The following C11orf65 variants were observed in gnomAD, a reference collection of about 807,000 sequenced individuals.
C11orf65 encodes the protein protein MFI.
In C11orf65, 38 loss-of-function variants were observed where a neutral mutation model predicts 35.3. The observed-to-expected ratio is 1.08, with a 90% CI of 0.83 to 1.41. The LOEUF is 1.41. Among genes scored for constraint, C11orf65 ranks in the 40% most tolerant of loss-of-function variants. The pLI, the probability that C11orf65 is intolerant of heterozygous loss-of-function variation, is 0.00. For missense variants in C11orf65, 370 were observed against 367.1 expected (o/e 1.01, Z -0.06); for synonymous variants, 105 against 114.4 (o/e 0.92, Z 0.53).
chr11:108,463,649 A>G (rs2093498535), intron 1 of C11orf65, among the ~76,000 whole-genome samples: 1 of 152,194 alleles, frequency 6.6e-6, no homozygotes, highest in Admixed American at 6.5e-5. Context: ...CATCTGTAAA[A>G]TATGGGGACT....
In C11orf65 at chr11:108,437,031, G is replaced by T. The variant is rs138373939; in HGVS notation, c.82-5193C>A. 4.6e-4 allele frequency among the ~76,000 whole-genome samples: 61 copies of T among 133,202 alleles called. No homozygotes were observed. The East Asian group carries it at 0.013, about 27-fold the overall frequency. The allele number at this position is 133,202 out of a possible 152,430, so 87.4% of individuals were successfully genotyped here. ...CCAGAACTTTGGGAGGCTGACATGG[G>T]AAGATCACTTGAGGCTAGGAGTTTG... On this transcript the variant is annotated intron_variant, in intron 2 of 8. Coordinates refer to ENST00000393084, the MANE Select transcript of C11orf65 (RefSeq NM_152587.5).
In C11orf65 at chr11:108,354,783, T is replaced by C. The variant is rs370274917; in HGVS notation, c.227-19491A>G. 56 of 1,595,348 alleles carry C rather than the reference T, an allele frequency of 3.5e-5. No homozygotes were observed. Among genetic ancestry groups the C allele is most frequent in the Non-Finnish European group, 4.6e-5 (54 of 1,163,066 alleles). ...TTGACAACATTGGTGTGTAACAAAA[T>C]CCGTATTTATAATGTGTTTGACTCT... On this transcript the variant is annotated intron_variant, in intron 2 of 3. Coordinates refer to the C11orf65 transcript ENST00000524755.
At chr11:108,447,545 A>C (rs2093281308) in intron 2 of C11orf65, among the ~76,000 whole-genome samples, 1 of 152,200 alleles carries the variant, frequency 6.6e-6, no homozygotes, top group Non-Finnish European at 1.5e-5. Context: ...CTGGGTACAT[A>C]ACAAAATGAA....
chr11:108,330,233 C>T (rs121434220), downstream of C11orf65: 6 of 1,614,054 alleles, frequency 3.7e-6, no homozygotes, highest in Non-Finnish European at 5.1e-6. Context: ...AAAGGTTCAG[C>T]GAGAGCTGGA....
chr11:108,404,534 A>G (rs1311249654), intron 6 of C11orf65, among the ~76,000 whole-genome samples: 4 of 151,142 alleles, frequency 2.6e-5, no homozygotes, highest in South Asian at 2.1e-4. Flanking sequence ...CAGCCTCCCA[A>G]GTAGCTGGGA....
chr11:108,395,552 C>T (rs765260758), intron 6 of C11orf65, among the ~76,000 whole-genome samples: 15 of 151,298 alleles, frequency 9.9e-5, no homozygotes, highest in Admixed American at 2.0e-4. Context: ...CTCCTGACCT[C>T]GTGATCTGCC....
intron 1 of C11orf65, 71 bp downstream of exon 1, chr11:108,467,400 A>C (rs2093553787): frequency 6.6e-6 from 1 of 152,368 alleles, no homozygotes; most frequent in Admixed American, 6.5e-5. Flanking sequence ...CGAAGGCTCA[A>C]ACCAGTGGGC....
At position 108,317,467 on chromosome 11, in the gene C11orf65, T is replaced by C. The variant is rs587780631; in HGVS notation, c.641-8396A>G. The C allele has an allele frequency of 6.8e-6, 11 of 1,612,618 alleles. No individual in the cohort carries two copies. The highest frequency in any genetic ancestry group is 3.3e-5 in the South Asian group (3 of 91,054). ...GACTGGTGTCCTGAACTAGAAGAAC[T>C]TCATTACCAAGCAGCATGGAGGAAT... On this transcript the variant is annotated intron_variant, in intron 6 of 6. Transcript: ENST00000525729.
chr11:108,445,716 T>A (rs1341698487), intron 2 of C11orf65, among the ~76,000 whole-genome samples: 1 of 151,868 alleles, frequency 6.6e-6, no homozygotes, highest in Non-Finnish European at 1.5e-5. Context: ...GCAGAGCACC[T>A]CTCCTCCTCC....
At chr11:108,350,842 G>C (rs991613044) in intron 2 of C11orf65, among the ~76,000 whole-genome samples, 2 of 151,946 alleles carry the variant, frequency 1.3e-5, no homozygotes, top group African/African-American at 2.4e-5. Context: ...TAAATGAGAA[G>C]GGTAAATTGG....
intron 6 of C11orf65, among the ~76,000 whole-genome samples, chr11:108,396,886 G>C (rs2092323539): frequency 7.0e-6 from 1 of 142,102 alleles, no homozygotes; most frequent in Non-Finnish European, 1.5e-5. Context: ...AAATAAAATA[G>C]TTACTATTAT....
At chr11:108,336,061 C>A in intron 2 of C11orf65, 1 of 897,342 alleles carries the variant, frequency 1.1e-6, no homozygotes, top group Non-Finnish European at 1.8e-6. Context: ...CTTTGGGAGG[C>A]CAAGGTGGGA....
At chr11:108,332,632 C>A (rs997068220) in intron 3 of C11orf65, 43 of 1,013,658 alleles carry the variant, frequency 4.2e-5, no homozygotes, top group Non-Finnish European at 5.6e-5. Flanking sequence ...TTGTTTGTAT[C>A]TGAGGAATTA....
intron 3 of C11orf65, among the ~76,000 whole-genome samples, chr11:108,420,505 T>C (rs551855692): frequency 3.5e-4 from 53 of 152,270 alleles, no homozygotes; most frequent in Non-Finnish European, 6.2e-4. Context: ...TGGGTTGACC[T>C]AGCATCACTG....
At chr11:108,446,314 C>G (rs1387178716) in intron 2 of C11orf65, among the ~76,000 whole-genome samples, 2 of 151,078 alleles carry the variant, frequency 1.3e-5, no homozygotes, top group African/African-American at 4.9e-5. Flanking sequence ...AAGAGCAACT[C>G]CAAGACACAT....
chr11:108,413,896 T>C (rs1591502541), intron 3 of C11orf65, among the ~76,000 whole-genome samples: 1 of 152,156 alleles, frequency 6.6e-6, no homozygotes, highest in East Asian at 1.9e-4. Flanking sequence ...CTTACTAAAA[T>C]TTGAGGGATT....
intron 6 of C11orf65, among the ~76,000 whole-genome samples, chr11:108,310,515 A>G (rs1313280150): frequency 6.6e-6 from 1 of 152,208 alleles, no homozygotes; most frequent in African/African-American, 2.4e-5. Context: ...AATGCTTATT[A>G]CTTAGGTATT....
chr11:108,336,767 C>CTT (rs2086901934), intron 2 of C11orf65, among the ~76,000 whole-genome samples: 1 of 152,202 alleles, frequency 6.6e-6, no homozygotes, highest in Admixed American at 6.5e-5. Flanking sequence ...AGTGTACCCA[C>CTT]TTACATTTCC....
At chr11:108,466,295 C>A (rs1338781175) in intron 1 of C11orf65, among the ~76,000 whole-genome samples, 1 of 151,768 alleles carries the variant, frequency 6.6e-6, no homozygotes, top group African/African-American at 2.4e-5. Context: ...ACTACCAGGC[C>A]GGGTCTGGTG....
Sources: allele counts gnomAD v4.1 joint callset (sites outside exome capture counted in the v4.1 genomes callset), GRCh38; gene constraint gnomAD v4.1.1; transcripts MANE v1.5; gene names NCBI Gene and HGNC (gene_info 2026-07-23, HGNC 2026-07-21).